VSIG4: variants seen among roughly 807,000 people sequenced by gnomAD.
VSIG4 encodes V-set and immunoglobulin domain containing 4.
Under a neutral mutation model 23.4 loss-of-function variants are expected in VSIG4, and 34 were observed. The ratio of observed to expected loss-of-function variants is 1.45; its 90% CI spans 1.10 to 1.93. VSIG4 has a LOEUF of 1.93. Ranked by LOEUF, VSIG4 falls within the 30% of genes most tolerant of loss-of-function variation. VSIG4 has a pLI of 0.00. For missense variants in VSIG4, 433 were observed against 310.8 expected (o/e 1.39, Z -2.96); for synonymous variants, 169 against 120.3 (o/e 1.41, Z -2.65).
At chrX:66,028,940 C>CA (rs988436148) in intron 3 of VSIG4, among the ~76,000 whole-genome samples, 33 of 110,527 alleles carry the variant, frequency 3.0e-4, no homozygotes, top group African/African-American at 4.9e-4. Flanking sequence ...GGCGAGAAAA[C>CA]AAAAAAAACT....
intron 1 of VSIG4, among the ~76,000 whole-genome samples, chrX:66,034,116 C>G (rs764538461): frequency 9.0e-6 from 1 of 111,662 alleles, no homozygotes; most frequent in Non-Finnish European, 1.9e-5. Context: ...ACCTTCTTAC[C>G]GTGGAAGATT....
chrX:66,033,391 C>G, intron 2 of VSIG4, 83 bp downstream of exon 2: 1 of 934,433 alleles, frequency 1.1e-6, no homozygotes, highest in East Asian at 3.1e-5. Context: ...ACGAAGGCCT[C>G]TGGATTTTTC....
chrX:66,031,368 C>T (rs983534085), intron 3 of VSIG4, among the ~76,000 whole-genome samples: 3 of 109,494 alleles, frequency 2.7e-5, no homozygotes, highest in Non-Finnish European at 5.7e-5. Context: ...ACTTTCAGGG[C>T]GGACCACTCT....
intron 1 of VSIG4, among the ~76,000 whole-genome samples, chrX:66,036,927 T>G (rs181372459): frequency 0.15 from 4,479 of 30,365 alleles, 329 homozygotes; most frequent in Middle Eastern, 0.29. Flanking sequence ...TATATTATAT[T>G]ATATGATATA....
intron 1 of VSIG4, among the ~76,000 whole-genome samples, chrX:66,036,764 A>AAT: frequency 2.3e-5 from 1 of 42,975 alleles, no homozygotes; most frequent in African/African-American, 1.1e-4. Flanking sequence ...AATATAATAT[A>AAT]ATATATATTA....
At chrX:66,024,886 G>A (rs964520095) in intron 6 of VSIG4, 139 bp downstream of exon 6, 7 of 399,364 alleles carry the variant, frequency 1.8e-5, no homozygotes, top group Non-Finnish European at 3.0e-5. Context: ...CTGCCTCCCT[G>A]CACCCCAACC....
At position 66,039,954 on chromosome X, in the gene VSIG4, C is replaced by A; in HGVS notation, c.45G>T (p.Val15=). The A allele has an allele frequency of 8.3e-7, 1 of 1,211,492 alleles. No individual in the cohort carries two copies. Among genetic ancestry groups the A allele is most frequent in the Non-Finnish European group, 1.1e-6 (1 of 895,266 alleles). Reference sequence around the variant, plus strand: ...CCCTTTCTGCCTTACCATAAGTGTCCACTGTTAGGTGCCCCAGGAGTAGCA... The same window carrying A: ...CCCTTTCTGCCTTACCATAAGTGTCAACTGTTAGGTGCCCCAGGAGTAGCA... The part of the protein sequence containing the change: ...LGLLLLGHLT[V]DTYGRPILEV... Residue 15 remains valine, a synonymous_variant, in exon 1 of 8, where the codon GTG becomes GTT. Transcript: ENST00000374737.
intron 1 of VSIG4, among the ~76,000 whole-genome samples, chrX:66,036,626 T>C (rs2085544996): frequency 1.3e-5 from 1 of 79,306 alleles, no homozygotes; most frequent in Non-Finnish European, 2.3e-5. Context: ...ATAATATATT[T>C]ATAATATAGA....
rs1244186884 is a variant in VSIG4 at position 66,032,531 on chromosome X, A to G, written c.631T>C (p.Cys211Arg). The G allele has an allele frequency of 8.3e-7, 1 of 1,210,392 alleles. No homozygotes were observed. The highest frequency in any genetic ancestry group is 3.0e-5 in the East Asian group (1 of 33,777). The change falls in exon 3 of 8, where the codon TGC becomes CGC. Residue 211 changes from cysteine to arginine, a missense_variant. By Grantham distance (180) the Cys-to-Arg change is radical. Transcript: ENST00000374737. ...GAGCCAACCTGGCCCTTGGCAGTGC[A>G]GAAATAGGAGCCTGAGTCGGCTATC... ...AVIADSGSYF[C>R]TAKGQVGSEQ...
At chrX:66,036,778 T>TATATTATATATAATATAATATATTATATA (rs2085558016) in intron 1 of VSIG4, among the ~76,000 whole-genome samples, 4 of 40,106 alleles carry the variant, frequency 1.0e-4, no homozygotes, top group African/African-American at 4.0e-4. Context: ...TATATTATAT[T>TATATTATATATAATATAATATATTATATA]ATATTATATA....
chrX:66,036,743 TA>T (rs1393851556), intron 1 of VSIG4, among the ~76,000 whole-genome samples: 12 of 44,083 alleles, frequency 2.7e-4, no homozygotes, highest in South Asian at 1.3e-3. Flanking sequence ...TATAATATAT[TA>T]ATAATATATA....
At chrX:66,026,083 G>A (rs1227172246) in intron 5 of VSIG4, among the ~76,000 whole-genome samples, 3 of 111,995 alleles carry the variant, frequency 2.7e-5, no homozygotes, top group African/African-American at 9.7e-5. Context: ...ACTGTCACTA[G>A]GCCTTAGTTA....
At chrX:66,029,425 T>G (rs765326598) in intron 3 of VSIG4, among the ~76,000 whole-genome samples, 1 of 111,321 alleles carries the variant, frequency 9.0e-6, no homozygotes, top group South Asian at 3.8e-4. Flanking sequence ...AGTGTCTTCT[T>G]TGTGCCAGAT....
At chrX:66,024,227 C>T (rs758580277) in intron 6 of VSIG4, among the ~76,000 whole-genome samples, 1 of 112,344 alleles carries the variant, frequency 8.9e-6, no homozygotes, top group Admixed American at 9.4e-5. Flanking sequence ...TTTTCCTCCT[C>T]GGTTGGTTCA....
intron 1 of VSIG4, among the ~76,000 whole-genome samples, chrX:66,036,614 ATATAATATATT>A (rs2085544716): frequency 3.8e-5 from 3 of 79,715 alleles, no homozygotes; most frequent in Non-Finnish European, 6.9e-5. Flanking sequence ...TAAAAATATA[ATATAATATATT>A]TATAATATAG....
intron 3 of VSIG4, among the ~76,000 whole-genome samples, chrX:66,030,000 T>C (rs768714849): frequency 4.5e-5 from 5 of 111,219 alleles, no homozygotes; most frequent in Non-Finnish European, 9.4e-5. Flanking sequence ...CAGAGATGAA[T>C]AAGAATTGAG....
At chrX:66,039,404 T>C (rs1039127730) in intron 1 of VSIG4, among the ~76,000 whole-genome samples, 6 of 112,201 alleles carry the variant, frequency 5.3e-5, no homozygotes, top group African/African-American at 1.9e-4. Context: ...GAGCTGCTCC[T>C]GGATGGACTA....
intron 1 of VSIG4, among the ~76,000 whole-genome samples, chrX:66,037,294 A>G: frequency 4.8e-5 from 1 of 20,717 alleles, no homozygotes; most frequent in Non-Finnish European, 6.9e-5. Context: ...TATAATATAT[A>G]TTATATAATA....
intron 1 of VSIG4, among the ~76,000 whole-genome samples, chrX:66,035,799 C>A (rs2085531087): frequency 8.9e-6 from 1 of 112,387 alleles, no homozygotes; most frequent in African/African-American, 3.2e-5. Flanking sequence ...TGTCCCTCCT[C>A]TTCTCTGAAA....
Sources: gnomAD v4.1 joint callset for allele counts (sites outside exome capture counted in the v4.1 genomes callset) on GRCh38, gnomAD v4.1.1 for gene constraint, MANE v1.5 for transcripts, NCBI Gene and HGNC (gene_info 2026-07-23, HGNC 2026-07-21) for gene names.